PLEKHH2: variants seen among roughly 807,000 people sequenced by gnomAD.
PLEKHH2 encodes the protein pleckstrin homology, MyTH4 and FERM domain containing H2, also known as pleckstrin homology domain-containing family H member 2.
PLEKHH2 carries 129 observed loss-of-function variants against 187.9 expected under a neutral mutation model. That is an observed-to-expected ratio of 0.69 (90% CI 0.59 to 0.79). The LOEUF is 0.79. Ranked by LOEUF, PLEKHH2 falls within the 30% of genes least tolerant of loss-of-function variation. PLEKHH2 has a pLI of 0.00. For synonymous variants in PLEKHH2, 686 were observed against 605.6 expected (o/e 1.13, Z -1.95); for missense variants, 2,076 against 1,751.2 (o/e 1.19, Z -3.31).
At chr2:43,703,771 A>G (rs568188219) in intron 8 of PLEKHH2, among the ~76,000 whole-genome samples, 1 of 152,330 alleles carries the variant, frequency 6.6e-6, no homozygotes, top group East Asian at 1.9e-4. Flanking sequence ...TAAATAATGG[A>G]AAAACTAACA....
chr2:43,694,445 A>G lies in PLEKHH2; in HGVS notation c.351A>G (p.Ile117Met), dbSNP rs1464533858. ...TGTTATTTCAGAAACAAATAAGAAT[A>G]CAAGAAGCTAAAATAATAGAAGAGA... ...LQLEEQKQIR[I>M]QEAKIIEEKA... The change falls in exon 5 of 30, where the codon ATA (isoleucine) becomes ATG (methionine). Residue 117 changes from isoleucine to methionine, a missense_variant. By Grantham distance (10) the Ile-to-Met change is conservative (BLOSUM62 1). Transcript: ENST00000282406. The G allele has an allele frequency of 1.2e-5, 18 of 1,561,622 alleles. No homozygotes were observed. The Middle Eastern group carries it at 6.8e-4, about 59-fold the overall frequency.
intron 7 of PLEKHH2, among the ~76,000 whole-genome samples, chr2:43,698,644 C>G (rs964530899): frequency 7.2e-5 from 11 of 152,152 alleles, no homozygotes; most frequent in Admixed American, 7.2e-4. Flanking sequence ...TACTGATGCT[C>G]TTGCTCATTT....
intron 17 of PLEKHH2, among the ~76,000 whole-genome samples, chr2:43,726,726 T>C (rs892021082): frequency 3.3e-5 from 5 of 152,186 alleles, no homozygotes; most frequent in Admixed American, 3.3e-4. Flanking sequence ...ATCTCTCAGA[T>C]TGAACATTTT....
In PLEKHH2 at chr2:43,710,642, C is replaced by T. The variant is rs189098816; in HGVS notation, c.2301+67C>T. On this transcript the variant is annotated intron_variant, in intron 14 of 29. Coordinates refer to ENST00000282406, the MANE Select transcript of PLEKHH2 (RefSeq NM_172069.4). ...CCAGACTCAATTCTCAATTATCCAA[C>T]CTAATGGAAAGGAGATAGGATAATT... 5.6e-6 allele frequency: 8 copies of T among 1,435,712 alleles called. No individual in the cohort carries two copies. The Admixed American group carries it at 1.5e-4, about 28-fold the overall frequency. 88.9% of individuals were successfully genotyped at this position (1,435,712 alleles called of 1,614,324 possible). A position where few individuals can be genotyped will look rare whatever the true frequency, so the allele number is the denominator to read the frequency against.
intron 19 of PLEKHH2, among the ~76,000 whole-genome samples, chr2:43,732,097 C>T (rs1465218900): frequency 1.3e-5 from 2 of 152,202 alleles, no homozygotes; most frequent in African/African-American, 4.8e-5. Flanking sequence ...GGTGTGGTGG[C>T]TTACTCCTGT....
chr2:43,719,080 C>T (rs186991994), intron 15 of PLEKHH2, among the ~76,000 whole-genome samples: 1 of 152,294 alleles, frequency 6.6e-6, no homozygotes, highest in African/African-American at 2.4e-5. Context: ...TTGGTTCTCA[C>T]AACAGCCCAG....
chr2:43,741,048 G>A lies in PLEKHH2; in HGVS notation c.3221+5G>A, dbSNP rs772813840. 5 of 1,604,474 alleles carry A rather than the reference G, an allele frequency of 3.1e-6. No homozygotes were observed. Among genetic ancestry groups the A allele is most frequent in the African/African-American group, 1.3e-5 (1 of 74,612 alleles). ...AAAGAGGAATGCAGATTCCAGGTGT[G>A]CAGAATACTAGCCAGCTGAACTGTT... is the stretch of plus-strand genomic sequence containing the variant. On this transcript the variant is annotated splice_donor_5th_base_variant and intron_variant, in intron 21 of 29. Transcript: ENST00000282406.
intron 19 of PLEKHH2, among the ~76,000 whole-genome samples, chr2:43,736,472 A>G (rs1558591104): frequency 6.6e-6 from 1 of 152,112 alleles, no homozygotes; most frequent in Non-Finnish European, 1.5e-5. Context: ...GAGCACCCAA[A>G]TAGAGCCTGG....
intron 2 of PLEKHH2, among the ~76,000 whole-genome samples, chr2:43,648,006 C>T (rs1431586268): frequency 1.3e-5 from 2 of 152,142 alleles, no homozygotes; most frequent in African/African-American, 2.4e-5. Flanking sequence ...TATCCTCAAT[C>T]TAGAGAATTA....
At chr2:43,754,205 C>CAAAAAAAA (rs148172112) in intron 25 of PLEKHH2, among the ~76,000 whole-genome samples, 4 of 143,078 alleles carry the variant, frequency 2.8e-5, no homozygotes, top group African/African-American at 1.1e-4. Flanking sequence ...CACACACACA[C>CAAAAAAAA]AAAATTAATA....
chr2:43,717,143 C>T (rs1304470582), intron 15 of PLEKHH2, among the ~76,000 whole-genome samples: 1 of 152,182 alleles, frequency 6.6e-6, no homozygotes, highest in Non-Finnish European at 1.5e-5. Context: ...GTGGGCCAAG[C>T]ATGGTGGCTC....
intron 3 of PLEKHH2, among the ~76,000 whole-genome samples, chr2:43,687,987 G>T (rs1011113572): frequency 1.3e-5 from 2 of 151,966 alleles, no homozygotes; most frequent in African/African-American, 4.8e-5. Context: ...TTTTTGTAGA[G>T]ATGCGTTCCC....
At chr2:43,731,899 C>T (rs1046241294) in intron 19 of PLEKHH2, among the ~76,000 whole-genome samples, 4 of 152,128 alleles carry the variant, frequency 2.6e-5, no homozygotes, top group Non-Finnish European at 5.9e-5. Context: ...CACATCACAC[C>T]AGGCACAGCA....
intron 2 of PLEKHH2, among the ~76,000 whole-genome samples, chr2:43,670,409 G>C (rs1249715910): frequency 6.6e-6 from 1 of 152,148 alleles, no homozygotes; most frequent in Non-Finnish European, 1.5e-5. Flanking sequence ...AACTAGAGTA[G>C]GGAGATTGTA....
In PLEKHH2 at chr2:43,742,703, A is replaced by G. The variant is rs781517188; in HGVS notation, c.3222-38A>G. On this transcript the variant is annotated intron_variant, in intron 21 of 29. Transcript: ENST00000282406. ...TTGCACATATTAGGTTGTCAATTAA[A>G]TTTATTCTTAGATTTTATCTTAAGT... 20 of 1,415,520 alleles carry G rather than the reference A, an allele frequency of 1.4e-5. No individual in the cohort carries two copies. The Admixed American group carries it at 5.1e-4, about 36-fold the overall frequency. 87.7% of individuals were successfully genotyped at this position (1,415,520 alleles called of 1,614,324 possible).
At chr2:43,672,141 T>G (rs1189936845) in intron 2 of PLEKHH2, among the ~76,000 whole-genome samples, 2 of 152,216 alleles carry the variant, frequency 1.3e-5, no homozygotes, top group Non-Finnish European at 2.9e-5. Flanking sequence ...TAAATGAGCT[T>G]TGCTATTTTG....
rs138440329 is a variant in PLEKHH2 at position 43,667,597 on chromosome 2, A to C, written c.124-11266A>C. On this transcript the variant is annotated intron_variant, in intron 2 of 29. Coordinates refer to ENST00000282406, the MANE Select transcript of PLEKHH2 (RefSeq NM_172069.4). ...TGGTATATCCGTATAGTGGAATATC[A>C]TTCAGGCATAAAAAGAAATGAAGTA... 2.0e-5 allele frequency among the ~76,000 whole-genome samples: 3 copies of C among 152,354 alleles called. No individual in the cohort carries two copies. In the East Asian group the frequency reaches 5.8e-4, roughly 29 times the overall value.
At chr2:43,712,466 A>T in intron 15 of PLEKHH2, 83 bp downstream of exon 15, 4 of 1,451,618 alleles carry the variant, frequency 2.8e-6, no homozygotes, top group Non-Finnish European at 2.8e-6. Flanking sequence ...GTCAGAGCAT[A>T]TACATATATT....
chr2:43,742,953 A>G, intron 22 of PLEKHH2, 35 bp downstream of exon 22: 2 of 1,435,306 alleles, frequency 1.4e-6, no homozygotes, highest in Non-Finnish European at 1.9e-6. Context: ...TTAGCCAACA[A>G]TCCTATGTAC....
Sources: allele counts gnomAD v4.1 joint callset (sites outside exome capture counted in the v4.1 genomes callset), GRCh38; gene constraint gnomAD v4.1.1; transcripts MANE v1.5; gene names NCBI Gene and HGNC (gene_info 2026-07-23, HGNC 2026-07-21).